The following NEDD4 variants were observed in gnomAD, a reference collection of about 807,000 sequenced individuals.
The protein encoded by NEDD4 is E3 ubiquitin-protein ligase NEDD4.
A neutral mutation model predicts 144.9 loss-of-function variants in NEDD4; 99 were observed. The observed-to-expected ratio is 0.68, with a 90% confidence interval of 0.58 to 0.81. The LOEUF (loss-of-function observed/expected upper bound fraction) is 0.81, where lower values mean the gene tolerates loss of function less well. NEDD4 is among the 30% of genes least tolerant of loss of function. The pLI is 0.00. For synonymous variants in NEDD4, 318 were observed against 350.6 expected (o/e 0.91, Z 1.04); for missense variants, 985 against 1,065.9 (o/e 0.92, Z 1.06).
At chr15:55,918,729 G>A (rs996473336) in intron 5 of NEDD4, among the ~76,000 whole-genome samples, 9 of 152,050 alleles carry the variant, frequency 5.9e-5, no homozygotes, top group South Asian at 2.1e-4. Context: ...TTTTGAATGC[G>A]TACAATAGTT....
chr15:55,993,473 G>C, intron 1 of NEDD4, 38 bp downstream of exon 1: 1 of 1,591,452 alleles, frequency 6.3e-7, no homozygotes, highest in East Asian at 2.4e-5. Flanking sequence ...TGAATAACCC[G>C]AAGGGAAGCC....
At chr15:55,847,084 C>A in intron 17 of NEDD4, 50 bp from the exon 18 acceptor site, 3 of 1,236,766 alleles carry the variant, frequency 2.4e-6, no homozygotes, top group South Asian at 1.4e-5. Context: ...TGTTTTTATT[C>A]TGGAACAATT....
chr15:55,986,491 C>T (rs55730141), intron 1 of NEDD4, among the ~76,000 whole-genome samples: 18,297 of 150,878 alleles, frequency 0.12, 1,201 homozygotes, highest in East Asian at 0.26. Flanking sequence ...GCCAAGAGAG[C>T]GTGACCTGAA....
chr15:55,862,480 C>T (rs534977267), intron 9 of NEDD4, among the ~76,000 whole-genome samples: 4 of 152,136 alleles, frequency 2.6e-5, no homozygotes, highest in South Asian at 2.1e-4. Flanking sequence ...GTCAAATGCG[C>T]GTTTAACGTA....
chr15:55,866,620 A>G (rs569746938), intron 8 of NEDD4, among the ~76,000 whole-genome samples: 2 of 152,324 alleles, frequency 1.3e-5, no homozygotes, highest in African/African-American at 4.8e-5. Context: ...ATAGTGCTAG[A>G]AAAATGGTAG....
At chr15:55,865,374 T>C (rs1227463225) in intron 8 of NEDD4, among the ~76,000 whole-genome samples, 1 of 152,050 alleles carries the variant, frequency 6.6e-6, no homozygotes, top group East Asian at 1.9e-4. Flanking sequence ...AATATCTAAA[T>C]GTTTAAAAGT....
intron 1 of NEDD4, among the ~76,000 whole-genome samples, chr15:55,976,872 A>G (rs2142348461): frequency 6.6e-6 from 1 of 152,096 alleles, no homozygotes; most frequent in East Asian, 1.9e-4. Context: ...TGACCTCCTG[A>G]TCCACCCGCC....
chr15:55,855,992 GA>G lies in NEDD4; in HGVS notation c.1026+138del, dbSNP rs2034178424. ...TGTTTTGTCTTTAAGCCCCTTCCCT[GA>G]ACATCACCACCTGGAGCCTACATTC... On this transcript the variant is annotated intron_variant, in intron 12 of 28. Transcript: ENST00000435532. 6 of 681,194 alleles carry G rather than the reference GA, an allele frequency of 8.8e-6. No homozygotes were observed. The South Asian group carries it at 1.0e-4, about 11-fold the overall frequency. 42.2% of individuals were successfully genotyped at this position (681,194 alleles called of 1,614,324 possible). A position where few individuals can be genotyped will look rare whatever the true frequency, so the allele number is the denominator to read the frequency against.
intron 18 of NEDD4, among the ~76,000 whole-genome samples, chr15:55,842,709 C>T (rs1478830081): frequency 1.3e-5 from 2 of 152,160 alleles, no homozygotes; most frequent in African/African-American, 4.8e-5. Flanking sequence ...TGGTAATGCC[C>T]CCATGAAGGC....
intron 5 of NEDD4, among the ~76,000 whole-genome samples, chr15:55,884,946 A>C (rs530068232): frequency 5.3e-5 from 8 of 152,332 alleles, no homozygotes; most frequent in Non-Finnish European, 8.8e-5. Context: ...ATTCAAGTAC[A>C]AGAAGGTTAT....
chr15:55,963,676 G>C (rs1332769554), intron 2 of NEDD4, among the ~76,000 whole-genome samples: 1 of 152,252 alleles, frequency 6.6e-6, no homozygotes, highest in South Asian at 2.1e-4. Flanking sequence ...GGTATGATGA[G>C]AAAAGCAAAA....
At chr15:55,846,924 C>CTA (rs1259660778) in intron 18 of NEDD4, 45 bp downstream of exon 18, 4 of 1,172,742 alleles carry the variant, frequency 3.4e-6, no homozygotes, top group Non-Finnish European at 3.8e-6. Flanking sequence ...TACTTTCCAT[C>CTA]TATATATTGA....
chr15:55,925,503 C>T (rs1310443349), intron 4 of NEDD4, among the ~76,000 whole-genome samples: 1 of 152,154 alleles, frequency 6.6e-6, no homozygotes, highest in Non-Finnish European at 1.5e-5. Context: ...TGCGTTTTCA[C>T]TTAAGGTTTA....
rs1320414773 is a variant in NEDD4 at position 55,951,259 on chromosome 15, A to C, written c.237+117T>G. ...ATTTCAATTCCTTTTGTATTTTCAC[A>C]ACTTTAGGCAAATTCTGAGATACAT... is the stretch of plus-strand genomic sequence containing the variant. On this transcript the variant is annotated intron_variant, in intron 4 of 28. Transcript: ENST00000435532. The C allele has an allele frequency of 3.3e-5, 17 of 520,590 alleles. 1 individual carries two copies. Among genetic ancestry groups the C allele is most frequent in the Non-Finnish European group, 5.0e-5 (15 of 302,744 alleles). The allele number at this position is 520,590 out of a possible 1,614,324, so 32.2% of individuals were successfully genotyped here. A position where few individuals can be genotyped will look rare whatever the true frequency, so the allele number is the denominator to read the frequency against.
intron 5 of NEDD4, among the ~76,000 whole-genome samples, chr15:55,899,457 T>A (rs1201344192): frequency 3.3e-5 from 5 of 152,190 alleles, no homozygotes; most frequent in African/African-American, 1.2e-4. Flanking sequence ...CTATAACATA[T>A]CAATGAAAAC....
chr15:55,905,361 T>C (rs1320588666), intron 5 of NEDD4: 3 of 444,036 alleles, frequency 6.8e-6, no homozygotes, highest in Non-Finnish European at 1.3e-5. Context: ...CACTAACAAT[T>C]GGGGGGTTTC....
chr15:55,912,383 T>C (rs2036302334), intron 5 of NEDD4, among the ~76,000 whole-genome samples: 1 of 152,176 alleles, frequency 6.6e-6, no homozygotes, highest in Admixed American at 6.5e-5. Context: ...ACAGTTCTAC[T>C]ATACTAGGCT....
chr15:55,880,826 T>A (rs2035164174), intron 5 of NEDD4, among the ~76,000 whole-genome samples: 1 of 151,984 alleles, frequency 6.6e-6, no homozygotes, highest in Admixed American at 6.6e-5. Flanking sequence ...TTGGTGAAAA[T>A]TAAATAAGAG....
chr15:55,928,944 C>G (rs1190523241), intron 4 of NEDD4, among the ~76,000 whole-genome samples: 1 of 152,144 alleles, frequency 6.6e-6, no homozygotes, highest in Non-Finnish European at 1.5e-5. Context: ...AAAACATGAA[C>G]ATAAACAGCT....
Sources: allele counts gnomAD v4.1 joint callset (sites outside exome capture counted in the v4.1 genomes callset), GRCh38; gene constraint gnomAD v4.1.1; transcripts MANE v1.5; gene names NCBI Gene and HGNC (gene_info 2026-07-23, HGNC 2026-07-21).